The following SQSTM1 variants were observed in gnomAD, a reference collection of about 807,000 sequenced individuals.
SQSTM1 encodes the protein sequestosome-1.
A neutral mutation model predicts 45.1 loss-of-function variants in SQSTM1; 36 were observed. The ratio of observed to expected loss-of-function variants is 0.80; its 90% CI spans 0.61 to 1.05. The LOEUF (loss-of-function observed/expected upper bound fraction) is 1.05, where lower values mean the gene tolerates loss of function less well. SQSTM1 is among the 50% of genes least tolerant of loss of function. SQSTM1 has a pLI of 0.00. For missense variants in SQSTM1, 617 were observed against 607.1 expected, an observed-to-expected ratio of 1.02 and a Z score of -0.17; for synonymous variants, 290 against 244.3, an observed-to-expected ratio of 1.19 and a Z score of -1.74.
chr5:179,837,427 G>A lies in SQSTM1; in HGVS notation c.*834G>A. The A allele has an allele frequency of 6.2e-7, 1 of 1,604,630 alleles. No individual in the cohort carries two copies. The highest frequency in any genetic ancestry group is 8.5e-7 in the Non-Finnish European group (1 of 1,174,718). On this transcript the variant is annotated 3_prime_UTR_variant, in exon 8 of 8. Transcript: ENST00000389805. ...CATCGAAGTCTTCCCCAGTTATAAA[G>A]AGGTCACATAGTCGTGTGGGTCGAG...
At chr5:179,831,588 G>A (rs1384865219) in intron 5 of SQSTM1, among the ~76,000 whole-genome samples, 1 of 152,104 alleles carries the variant, frequency 6.6e-6, no homozygotes, top group East Asian at 1.9e-4. Flanking sequence ...CTTGAACCTG[G>A]TGGGCAGAGG....
chr5:179,809,730 G>A (rs944801600), intron 1 of SQSTM1, among the ~76,000 whole-genome samples: 4 of 137,808 alleles, frequency 2.9e-5, no homozygotes, highest in African/African-American at 1.1e-4. Flanking sequence ...TGCAACCTCC[G>A]CTTCCCGGGT....
chr5:179,811,853 G>T (rs1193249037), intron 2 of SQSTM1: 2 of 152,254 alleles, frequency 1.3e-5, no homozygotes, highest in African/African-American at 4.8e-5. Context: ...CGCCCAGGCT[G>T]GAGTGCAGTG....
At chr5:179,814,970 G>A (rs1328357335), upstream of SQSTM1, among the ~76,000 whole-genome samples, 3 of 152,202 alleles carry the variant, frequency 2.0e-5, no homozygotes, top group East Asian at 1.9e-4. Flanking sequence ...GATGTGCTAC[G>A]TGTGTATTAT....
chr5:179,819,296 C>G (rs1459136049), upstream of SQSTM1, among the ~76,000 whole-genome samples: 1 of 151,902 alleles, frequency 6.6e-6, no homozygotes, highest in Non-Finnish European at 1.5e-5. Flanking sequence ...CCCAAAGACT[C>G]CCTCTTCTGT....
intron 5 of SQSTM1, among the ~76,000 whole-genome samples, chr5:179,829,596 A>C (rs575376994): frequency 6.6e-6 from 1 of 152,384 alleles, no homozygotes; most frequent in South Asian, 2.1e-4. Context: ...AAAGTTCTTA[A>C]AATTAAAAAA....
intron 5 of SQSTM1, among the ~76,000 whole-genome samples, chr5:179,826,593 A>G (rs1264374385): frequency 1.5e-5 from 2 of 131,182 alleles, no homozygotes; most frequent in Non-Finnish European, 3.2e-5. Context: ...AAGAATCGCT[A>G]GTCTGTTTTT....
Position 179,824,173 on chromosome 5 carries a change from C to T in SQSTM1, c.532-9C>T, listed in dbSNP as rs770413974. On this transcript the variant is annotated splice_polypyrimidine_tract_variant and intron_variant, in intron 3 of 7. Transcript: ENST00000389805. ...TCACTGCCTGCCGCTCTGCTAATTC[C>T]TCCCCCAGGGCTTCTCGCACAGCCG... The T allele has an allele frequency of 6.2e-7, 1 of 1,613,648 alleles. No individual in the cohort carries two copies. The highest frequency in any genetic ancestry group is 8.5e-7 in the Non-Finnish European group (1 of 1,180,058).
intron 5 of SQSTM1, among the ~76,000 whole-genome samples, chr5:179,832,154 G>C (rs2084100558): frequency 6.6e-6 from 1 of 152,246 alleles, no homozygotes; most frequent in Non-Finnish European, 1.5e-5. Flanking sequence ...TACTGGTCCA[G>C]AGTAGGAAGT....
At chr5:179,834,022 T>C (rs1402750835) in intron 7 of SQSTM1, among the ~76,000 whole-genome samples, 1 of 151,990 alleles carries the variant, frequency 6.6e-6, no homozygotes, top group Non-Finnish European at 1.5e-5. Context: ...GAGCCAGGAA[T>C]ATTAATTGTA....
Position 179,821,148 on chromosome 5 carries a change from G to A in SQSTM1, c.205+7G>A, listed in dbSNP as rs912066047. On this transcript the variant is annotated splice_region_variant and intron_variant, in intron 1 of 7. Coordinates refer to ENST00000389805, the MANE Select transcript of SQSTM1 (RefSeq NM_003900.5). ...TTCCAGGCGCACTACCGCGGTGAGC[G>A]GGCCGGGGAGCGGCGGGGGCGGTGA... The A allele has an allele frequency of 9.0e-6, 12 of 1,332,214 alleles. No homozygotes were observed. Among genetic ancestry groups the A allele is most frequent in the Non-Finnish European group, 1.1e-5 (11 of 1,046,544 alleles). The allele number at this position is 1,332,214 out of a possible 1,614,324, so 82.5% of individuals were successfully genotyped here.
At chr5:179,818,541 C>T (rs911724786), upstream of SQSTM1, among the ~76,000 whole-genome samples, 2 of 152,154 alleles carry the variant, frequency 1.3e-5, no homozygotes, top group South Asian at 2.1e-4. Flanking sequence ...ACATGCTGGG[C>T]AGCAACAGAC....
upstream of SQSTM1, among the ~76,000 whole-genome samples, chr5:179,818,012 C>CAAAAAA (rs528143529): frequency 0.031 from 900 of 29,204 alleles, 202 homozygotes; most frequent in East Asian, 0.054. Context: ...GAGACTGTCT[C>CAAAAAA]AAAAAAAAAA....
Position 179,833,253 on chromosome 5 carries a change from C to T in SQSTM1, c.969+7C>T. The T allele has an allele frequency of 6.4e-7, 1 of 1,568,038 alleles. No homozygotes were observed. The highest frequency in any genetic ancestry group is 1.1e-5 in the South Asian group (1 of 87,044). Reference sequence around the variant, plus strand: ...GTCCGAGGGGCGCCCTGAGGCAAGCCTGTGCCCCTCCCGCCACCTGGGACC... The same window carrying T: ...GTCCGAGGGGCGCCCTGAGGCAAGCTTGTGCCCCTCCCGCCACCTGGGACC... On this transcript the variant is annotated splice_region_variant and intron_variant, in intron 6 of 7. Transcript: ENST00000389805.
At position 179,820,933 on chromosome 5, in the gene SQSTM1, C is replaced by A; in HGVS notation, c.-4C>A. 6.5e-7 allele frequency: 1 copy of A among 1,536,174 alleles called. No homozygotes were observed. The highest frequency in any genetic ancestry group is 8.7e-7 in the Non-Finnish European group (1 of 1,144,574). ...GCCCGTTTTCCGCCAGCTCGCCGCT[C>A]GCTATGGCGTCGCTCACCGTGAAGG... is the stretch of plus-strand genomic sequence containing the variant. On this transcript the variant is annotated 5_prime_UTR_variant, in exon 1 of 8. Transcript: ENST00000389805.
chr5:179,809,151 C>T lies in SQSTM1; in HGVS notation c.-156-2423C>T, dbSNP rs531359966. Among the ~76,000 whole-genome samples the T allele has an allele frequency of 9.7e-4, 130 of 134,068 alleles. 1 individual carries two copies. Among genetic ancestry groups the T allele is most frequent in the African/African-American group, 3.5e-3 (126 of 35,868 alleles). The allele number at this position is 134,068 out of a possible 152,430, so 88.0% of individuals were successfully genotyped here. On this transcript the variant is annotated intron_variant, in intron 1 of 5. Coordinates refer to the SQSTM1 transcript ENST00000514093. ...GGATTACAGGCGTGAGTCACCACCC[C>T]GGCCTTTTTTTTTTTTTTTTTTTTT...
At chr5:179,819,713 G>T (rs1368417466), upstream of SQSTM1, among the ~76,000 whole-genome samples, 1 of 152,140 alleles carries the variant, frequency 6.6e-6, no homozygotes, top group South Asian at 2.1e-4. Context: ...ACTCTCCACC[G>T]CCGGATGCAG....
intron 5 of SQSTM1, among the ~76,000 whole-genome samples, chr5:179,831,350 G>C (rs1408512255): frequency 6.6e-6 from 1 of 152,150 alleles, no homozygotes; most frequent in African/African-American, 2.4e-5. Context: ...GGAGAACATA[G>C]GGAAAGTTAG....
chr5:179,824,272 C>T lies in SQSTM1; in HGVS notation c.622C>T (p.Pro208Ser), dbSNP rs1256909021. ...WEMGPPGNWS[P>S]RPPRAGEARP... The stretch of plus-strand genomic sequence containing the variant: ...AATGGGTCCACCAGGAAACTGGAGC[C>T]CACGTCCTCCTCGTGCAGGGGAGGC... Residue 208 changes from proline to serine, a missense_variant, in exon 4 of 8, where the codon CCA becomes TCA. Transcript: ENST00000389805. 6.2e-7 allele frequency: 1 copy of T among 1,613,810 alleles called. No individual in the cohort carries two copies. The highest frequency in any genetic ancestry group is 8.5e-7 in the Non-Finnish European group (1 of 1,180,040).
Sources: allele counts gnomAD v4.1 joint callset (sites outside exome capture counted in the v4.1 genomes callset), GRCh38; gene constraint gnomAD v4.1.1; transcripts MANE v1.5; gene names NCBI Gene and HGNC (gene_info 2026-07-23, HGNC 2026-07-21).